SPATA21: variants seen among roughly 807,000 people sequenced by gnomAD.
SPATA21 encodes the protein spermatogenesis-associated protein 21.
Under a neutral mutation model 54.8 loss-of-function variants are expected in SPATA21, and 47 were observed. The ratio of observed to expected loss-of-function variants is 0.86; its 90% CI spans 0.68 to 1.09. The LOEUF (loss-of-function observed/expected upper bound fraction) is 1.09, where lower values mean the gene tolerates loss of function less well. SPATA21 is among the 50% of genes least tolerant of loss of function. SPATA21 has a pLI of 0.00. For synonymous variants in SPATA21, 245 were observed against 235.3 expected, an observed-to-expected ratio of 1.04 and a Z score of -0.38; for missense variants, 599 against 596.4, an observed-to-expected ratio of 1.00 and a Z score of -0.05.
downstream of SPATA21, chr1:16,398,564 G>C: frequency 1.6e-6 from 1 of 611,150 alleles, no homozygotes; most frequent in Non-Finnish European, 2.9e-6. Context: ...AGGGCTTTGA[G>C]GTGGAACCCT....
chr1:16,402,955 A>G (rs981909949), intron 10 of SPATA21, among the ~76,000 whole-genome samples: 3 of 152,172 alleles, frequency 2.0e-5, no homozygotes, highest in East Asian at 3.9e-4. Flanking sequence ...TTATTGAGCA[A>G]CAAGCATTAA....
intron 5 of SPATA21, among the ~76,000 whole-genome samples, chr1:16,416,165 TG>T (rs1438167604): frequency 6.6e-6 from 1 of 152,194 alleles, no homozygotes; most frequent in African/African-American, 2.4e-5. Context: ...TGCAGTCACG[TG>T]GGTACAGGGG....
At chr1:16,410,519 T>G (rs981242632) in intron 5 of SPATA21, among the ~76,000 whole-genome samples, 2 of 151,904 alleles carry the variant, frequency 1.3e-5, no homozygotes, top group African/African-American at 4.8e-5. Flanking sequence ...CAAGCGATTC[T>G]CCTGTCTCAG....
intron 12 of SPATA21, 58 bp downstream of exon 12, chr1:16,399,286 G>C: frequency 1.3e-6 from 2 of 1,514,560 alleles, no homozygotes; most frequent in Non-Finnish European, 1.8e-6. Flanking sequence ...TAGGCCAGGG[G>C]CCTCTTAAGG....
intron 5 of SPATA21, among the ~76,000 whole-genome samples, chr1:16,413,451 C>A (rs186561020): frequency 6.6e-6 from 1 of 152,132 alleles, no homozygotes; most frequent in Non-Finnish European, 1.5e-5. Context: ...CATCTGTTAT[C>A]CGTTGTGAAT....
chr1:16,433,591 G>T (rs2086514603), intron 1 of SPATA21, among the ~76,000 whole-genome samples: 1 of 152,190 alleles, frequency 6.6e-6, no homozygotes, highest in African/African-American at 2.4e-5. Flanking sequence ...CTGAGAATGT[G>T]CAGGCTCAGC....
intron 3 of SPATA21, among the ~76,000 whole-genome samples, chr1:16,430,727 G>A (rs1343460637): frequency 6.6e-6 from 1 of 152,206 alleles, no homozygotes; most frequent in Non-Finnish European, 1.5e-5. Context: ...ATGGGGCTCA[G>A]TGGAGCCACC....
chr1:16,396,437 T>A (rs1212183342), downstream of SPATA21: 1 of 152,208 alleles, frequency 6.6e-6, no homozygotes, highest in Non-Finnish European at 1.5e-5. Context: ...TCACCCCTTT[T>A]TCCAGAGCGA....
chr1:16,413,768 A>G (rs1251291571), intron 5 of SPATA21, among the ~76,000 whole-genome samples: 3 of 152,008 alleles, frequency 2.0e-5, no homozygotes, highest in African/African-American at 7.2e-5. Context: ...GCGTGCCACC[A>G]TGCCTGGCTA....
At position 16,403,485 on chromosome 1, in the gene SPATA21, T is replaced by TTTC. The variant is rs1553161935; in HGVS notation, c.1001+241_1001+242insGAA. On this transcript the variant is annotated intron_variant, in intron 10 of 12. Transcript: ENST00000335496. ...GCTAGTTTTATTCTAGTTTTTTTCT[T>TTTC]TTTTTTCTTTTTTTTTTTTTTGAGA... Among the ~76,000 whole-genome samples, 165 of 109,994 alleles carry TTTC rather than the reference T, an allele frequency of 1.5e-3. 2 individuals carry two copies. Among genetic ancestry groups the TTTC allele is most frequent in the Non-Finnish European group, 2.4e-3 (111 of 45,922 alleles). The allele number at this position is 109,994 out of a possible 152,430, so 72.2% of individuals were successfully genotyped here. A position where few individuals can be genotyped will look rare whatever the true frequency, so the allele number is the denominator to read the frequency against.
intron 9 of SPATA21, 55 bp downstream of exon 9, chr1:16,403,913 C>G: frequency 6.2e-7 from 1 of 1,613,220 alleles, no homozygotes; most frequent in African/African-American, 1.3e-5. Flanking sequence ...CTCCCCGCAA[C>G]CAACCTCCCA....
chr1:16,435,005 A>C (rs567806380), intron 1 of SPATA21, among the ~76,000 whole-genome samples: 5 of 151,962 alleles, frequency 3.3e-5, no homozygotes, highest in South Asian at 2.1e-4. Context: ...CTACAAGTGC[A>C]CACCACCACA....
At chr1:16,419,327 C>G (rs1351226753) in intron 5 of SPATA21, among the ~76,000 whole-genome samples, 1 of 152,036 alleles carries the variant, frequency 6.6e-6, no homozygotes, top group Admixed American at 6.6e-5. Flanking sequence ...CTTTATGGCT[C>G]TTGGTGAAGA....
Position 16,405,070 on chromosome 1 carries a change from A to G in SPATA21, c.708T>C (p.Pro236=). The G allele has an allele frequency of 1.9e-6, 3 of 1,610,098 alleles. No homozygotes were observed. Among genetic ancestry groups the G allele is most frequent in the African/African-American group, 1.3e-5 (1 of 74,790 alleles). ...FRSYFEIFNG[P]GEVDAQSLKN... is the part of the protein sequence containing the mutation. ...TCAGGCTCTGTGCATCCACCTCACC[A>G]GGACCATTGAAGATCTCAAAGTAGC... The change falls in exon 8 of 13, where the codon CCT becomes CCC. Residue 236 remains proline (P), a synonymous_variant. Coordinates refer to ENST00000335496, the MANE Select transcript of SPATA21 (RefSeq NM_198546.1).
intron 3 of SPATA21, chr1:16,431,102 G>C: frequency 1.0e-6 from 1 of 968,304 alleles, no homozygotes. Flanking sequence ...TCTCTTTTCT[G>C]CTTAATCCAG....
intron 5 of SPATA21, among the ~76,000 whole-genome samples, chr1:16,416,497 G>A (rs2086010481): frequency 6.6e-6 from 1 of 152,036 alleles, no homozygotes; most frequent in South Asian, 2.1e-4. Flanking sequence ...GGCCAACATG[G>A]CGAAACTCTG....
intron 5 of SPATA21, among the ~76,000 whole-genome samples, chr1:16,418,632 A>G (rs924636732): frequency 6.7e-5 from 10 of 148,980 alleles, no homozygotes; most frequent in African/African-American, 2.5e-4. Context: ...CAGTGCCGCT[A>G]TCTTGGCTCA....
At position 16,398,974 on chromosome 1, in the gene SPATA21, T is replaced by C. The variant is rs545049499; in HGVS notation, c.1353-152A>G. 131 of 864,902 alleles carry C rather than the reference T, an allele frequency of 1.5e-4. 1 individual carries two copies. The Admixed American group carries it at 3.8e-3, about 25-fold the overall frequency. 53.6% of individuals were successfully genotyped at this position (864,902 alleles called of 1,614,324 possible). A position where few individuals can be genotyped will look rare whatever the true frequency, so the allele number is the denominator to read the frequency against. Reference sequence around the variant, plus strand: ...CAGCAGTTGTGCTTAGGGGCCTGATTCCAAGTCCAGAGCTCCCTTCCCCAG... The same window carrying C: ...CAGCAGTTGTGCTTAGGGGCCTGATCCCAAGTCCAGAGCTCCCTTCCCCAG... On this transcript the variant is annotated intron_variant, in intron 12 of 12. Coordinates refer to ENST00000335496, the MANE Select transcript of SPATA21 (RefSeq NM_198546.1).
At chr1:16,407,753 C>T (rs985689677) in intron 7 of SPATA21, among the ~76,000 whole-genome samples, 12 of 150,582 alleles carry the variant, frequency 8.0e-5, no homozygotes, top group Non-Finnish European at 1.2e-4. Flanking sequence ...CCACTGCTCC[C>T]GGTTGGAGTT....
Sources: allele counts gnomAD v4.1 joint callset (sites outside exome capture counted in the v4.1 genomes callset), GRCh38; gene constraint gnomAD v4.1.1; transcripts MANE v1.5; gene names NCBI Gene and HGNC (gene_info 2026-07-23, HGNC 2026-07-21).